The following DRAM1 variants were observed in gnomAD, a reference collection of about 807,000 sequenced individuals.
DRAM1 encodes DNA damage-regulated autophagy modulator protein 1.
In DRAM1, 25 loss-of-function variants were observed where a neutral mutation model predicts 28.5. The observed-to-expected ratio is 0.88, with a 90% CI of 0.64 to 1.23. The LOEUF is 1.23. Ranked by LOEUF, DRAM1 falls within the 50% of genes most tolerant of loss-of-function variation. The pLI is 0.00. For missense variants in DRAM1, 249 were observed against 299.2 expected, an observed-to-expected ratio of 0.83 and a Z score of 1.24; for synonymous variants, 113 against 114.2, an observed-to-expected ratio of 0.99 and a Z score of 0.07.
chr12:101,878,872 G>T (rs1293831018), intron 1 of DRAM1, among the ~76,000 whole-genome samples: 1 of 151,964 alleles, frequency 6.6e-6, no homozygotes. Flanking sequence ...ATTCTGTCTG[G>T]TGAGCAATGT....
intron 1 of DRAM1, among the ~76,000 whole-genome samples, chr12:101,896,606 A>G (rs1026185019): frequency 2.0e-5 from 3 of 151,626 alleles, no homozygotes; most frequent in African/African-American, 7.3e-5. Context: ...TCTAAAAAAT[A>G]AAAAAAAAGA....
chr12:101,906,034 T>A (rs767096668), intron 3 of DRAM1, among the ~76,000 whole-genome samples: 1 of 152,074 alleles, frequency 6.6e-6, no homozygotes, highest in Non-Finnish European at 1.5e-5. Context: ...GTAATCCACC[T>A]GCCTCAGCCT....
intron 1 of DRAM1, among the ~76,000 whole-genome samples, chr12:101,895,191 T>TTTG (rs1873306915): frequency 8.2e-6 from 1 of 121,890 alleles, no homozygotes; most frequent in African/African-American, 3.8e-5. Flanking sequence ...TTCAGGTTTT[T>TTTG]TTTTTTTTTT....
intron 5 of DRAM1, among the ~76,000 whole-genome samples, chr12:101,915,352 T>A (rs1874197943): frequency 6.6e-6 from 1 of 151,886 alleles, no homozygotes; most frequent in Non-Finnish European, 1.5e-5. Context: ...TGAATGAAGG[T>A]GTTTGGTGGT....
chr12:101,914,833 T>A (rs946045443), intron 5 of DRAM1, among the ~76,000 whole-genome samples: 2 of 151,828 alleles, frequency 1.3e-5, no homozygotes, highest in Non-Finnish European at 2.9e-5. Flanking sequence ...ATTTTTGTAT[T>A]TTTAGTAGAG....
intron 1 of DRAM1, among the ~76,000 whole-genome samples, chr12:101,893,926 A>T (rs1279318244): frequency 1.0e-5 from 1 of 98,840 alleles, no homozygotes; most frequent in Non-Finnish European, 2.1e-5. Context: ...TTTTTTTTAA[A>T]ATTAATTAAT....
intron 1 of DRAM1, among the ~76,000 whole-genome samples, chr12:101,895,311 T>C (rs1873317940): frequency 6.9e-6 from 1 of 145,934 alleles, no homozygotes; most frequent in Non-Finnish European, 1.5e-5. Context: ...CCGAGTAGCT[T>C]GGATTACAGG....
chr12:101,888,368 C>T (rs1439911916), intron 1 of DRAM1, among the ~76,000 whole-genome samples: 3 of 151,792 alleles, frequency 2.0e-5, no homozygotes, highest in Non-Finnish European at 4.4e-5. Context: ...TGACCTCAGG[C>T]GATCCACCCA....
chr12:101,898,077 G>A (rs1873453709), intron 2 of DRAM1, 147 bp downstream of exon 2: 1 of 509,636 alleles, frequency 2.0e-6, no homozygotes, highest in African/African-American at 2.0e-5. Flanking sequence ...CTGGAGTGCA[G>A]TGGCGTGATC....
At chr12:101,881,824 C>A (rs55813401) in intron 1 of DRAM1, among the ~76,000 whole-genome samples, 23,385 of 152,144 alleles carry the variant, frequency 0.15, 2,058 homozygotes, top group African/African-American at 0.23. Context: ...CACCACAGCA[C>A]GTATCACCTT....
At position 101,883,676 on chromosome 12, in the gene DRAM1, G is replaced by A. The variant is rs538244019; in HGVS notation, c.131+5756G>A. ...AGGCCGGGCGCAGTGGCTCACTCACGCCTGTAATCCCAGCACTTTGGGAGG... is the reference window on the plus strand; with the variant it reads ...AGGCCGGGCGCAGTGGCTCACTCACACCTGTAATCCCAGCACTTTGGGAGG... On this transcript the variant is annotated intron_variant, in intron 1 of 6. Transcript: ENST00000258534. Among the ~76,000 whole-genome samples the A allele has an allele frequency of 4.7e-4, 71 of 150,056 alleles. 1 individual carries two copies. The highest frequency in any genetic ancestry group is 2.0e-3 in the East Asian group (10 of 4,918).
At chr12:101,881,008 C>T (rs948195399) in intron 1 of DRAM1, among the ~76,000 whole-genome samples, 11 of 152,156 alleles carry the variant, frequency 7.2e-5, no homozygotes, top group Non-Finnish European at 1.2e-4. Flanking sequence ...CCTGAGCAGC[C>T]GGAGCACTGG....
At chr12:101,914,984 CTTT>C (rs71094528) in intron 5 of DRAM1, among the ~76,000 whole-genome samples, 3 of 135,770 alleles carry the variant, frequency 2.2e-5, no homozygotes, top group Non-Finnish European at 3.2e-5. Flanking sequence ...TTCTTTCTTT[CTTT>C]TTTTTTTTTT....
intron 4 of DRAM1, among the ~76,000 whole-genome samples, chr12:101,911,631 T>C (rs1473939180): frequency 6.6e-6 from 1 of 152,214 alleles, no homozygotes; most frequent in African/African-American, 2.4e-5. Context: ...GGTACCCACA[T>C]GTGGCTTTTG....
At chr12:101,894,857 C>T (rs1355443162) in intron 1 of DRAM1, among the ~76,000 whole-genome samples, 5 of 152,152 alleles carry the variant, frequency 3.3e-5, no homozygotes, top group Admixed American at 2.0e-4. Flanking sequence ...GTGTTTGCTC[C>T]GATGCCTGGC....
chr12:101,912,199 CAAATACAT>C (rs1485332766), intron 4 of DRAM1, among the ~76,000 whole-genome samples: 7 of 152,094 alleles, frequency 4.6e-5, no homozygotes, highest in Admixed American at 4.6e-4. Context: ...GACTCCATCT[CAAATACAT>C]AAATAAATAA....
In DRAM1 at chr12:101,901,422, G is replaced by A. The variant is rs775557589; in HGVS notation, c.331G>A (p.Ala111Thr). The A allele has an allele frequency of 7.4e-6, 12 of 1,613,838 alleles. No individual in the cohort carries two copies. In the East Asian group the frequency reaches 1.1e-4, roughly 15 times the overall value. Residue 111 changes from alanine (A) to threonine (T), a missense_variant, in exon 3 of 7, where the codon GCC (alanine) becomes ACC (threonine). Transcript: ENST00000258534. ...GGGATGTTTCGGAATGGGCATTGTC[G>A]CCAATTTTCAGGTATAATCTGGAGC... is the stretch of plus-strand genomic sequence containing the variant. Reference protein sequence around the residue: ...LVGCFGMGIVANFQELAVPVV... With the variant: ...LVGCFGMGIVTNFQELAVPVV...
chr12:101,902,090 C>T (rs1258732542), intron 3 of DRAM1, among the ~76,000 whole-genome samples: 2 of 152,076 alleles, frequency 1.3e-5, no homozygotes, highest in Non-Finnish European at 2.9e-5. Context: ...ACCAATTCTA[C>T]CATTTAAACC....
intron 1 of DRAM1, among the ~76,000 whole-genome samples, chr12:101,895,186 G>GTTTTTTTTTTTTTTGTTTTGTTTTT (rs1873301395): frequency 1.3e-5 from 1 of 75,720 alleles, no homozygotes; most frequent in Non-Finnish European, 2.3e-5. Context: ...AACCCTTCAG[G>GTTTTTTTTTTTTTTGTTTTGTTTTT]TTTTTTTTTT....
Sources: allele counts gnomAD v4.1 joint callset (sites outside exome capture counted in the v4.1 genomes callset), GRCh38; gene constraint gnomAD v4.1.1; transcripts MANE v1.5; gene names NCBI Gene and HGNC (gene_info 2026-07-23, HGNC 2026-07-21).